OGDH: variants seen among roughly 807,000 people sequenced by gnomAD.
OGDH encodes the protein oxoglutarate dehydrogenase, also known as 2-oxoglutarate dehydrogenase complex component E1.
A neutral mutation model predicts 116.6 loss-of-function variants in OGDH; 38 were observed. That is an observed-to-expected ratio of 0.33 (90% CI 0.25 to 0.43). The LOEUF is 0.43. Among genes scored for constraint, OGDH ranks in the 20% least tolerant of loss-of-function variants. The probability of loss-of-function intolerance (pLI) is 1.00; values close to 1 mark genes in which losing one functional copy is unlikely to be tolerated. For synonymous variants in OGDH, 488 were observed against 533.3 expected (o/e 0.92, Z 1.17); for missense variants, 825 against 1,357.2 (o/e 0.61, Z 6.16).
chr7:44,675,495 G>A (rs1206096249), intron 8 of OGDH, among the ~76,000 whole-genome samples: 3 of 152,180 alleles, frequency 2.0e-5, no homozygotes, highest in Non-Finnish European at 4.4e-5. Context: ...TGTCCCCTCT[G>A]GCTGAGGGAC....
chr7:44,639,902 C>G (rs776968463), intron 2 of OGDH, among the ~76,000 whole-genome samples: 4 of 152,218 alleles, frequency 2.6e-5, no homozygotes, highest in Admixed American at 6.5e-5. Flanking sequence ...CCGGTATGAA[C>G]CAGTTTTTTT....
At chr7:44,659,902 G>T (rs193149639) in intron 4 of OGDH, among the ~76,000 whole-genome samples, 1 of 151,798 alleles carries the variant, frequency 6.6e-6, no homozygotes, top group Non-Finnish European at 1.5e-5. Context: ...GTTTTTTTCT[G>T]TTGTTTTGCT....
At chr7:44,611,072 ATTTT>A (rs56803296) in intron 1 of OGDH, among the ~76,000 whole-genome samples, 3 of 122,874 alleles carry the variant, frequency 2.4e-5, no homozygotes, top group Non-Finnish European at 3.4e-5. Flanking sequence ...ATTTTTCTAA[ATTTT>A]TTTTTTTTTT....
chr7:44,635,523 G>A (rs1458222760), intron 2 of OGDH, among the ~76,000 whole-genome samples: 1 of 152,090 alleles, frequency 6.6e-6, no homozygotes, highest in Non-Finnish European at 1.5e-5. Flanking sequence ...TTGTTCTGTG[G>A]CTGAGGTGGA....
chr7:44,654,813 C>G (rs1437037708), intron 4 of OGDH, among the ~76,000 whole-genome samples: 1 of 152,196 alleles, frequency 6.6e-6, no homozygotes, highest in Non-Finnish European at 1.5e-5. Context: ...ATTCCTGCTT[C>G]TGTGCTTCAC....
chr7:44,680,418 A>T (rs1476262595), intron 9 of OGDH, among the ~76,000 whole-genome samples: 2 of 152,248 alleles, frequency 1.3e-5, no homozygotes, highest in East Asian at 3.9e-4. Flanking sequence ...AACATATCAA[A>T]GGCAGTGAGG....
At chr7:44,646,589 G>A (rs1484302725) in intron 3 of OGDH, among the ~76,000 whole-genome samples, 2 of 152,352 alleles carry the variant, frequency 1.3e-5, no homozygotes, top group Admixed American at 1.3e-4. Context: ...CTGCCTGCAC[G>A]CAGTTGGCCT....
intron 4 of OGDH, among the ~76,000 whole-genome samples, chr7:44,650,658 T>C (rs1053226774): frequency 1.1e-4 from 17 of 152,140 alleles, no homozygotes; most frequent in African/African-American, 3.4e-4. Flanking sequence ...AAGACTGCCC[T>C]GTAGCCAAAT....
chr7:44,668,319 C>T (rs896500943), intron 5 of OGDH, among the ~76,000 whole-genome samples: 8 of 152,142 alleles, frequency 5.3e-5, no homozygotes, highest in Non-Finnish European at 1.5e-5. Context: ...CTCCTGTAAT[C>T]CCAGCTACAT....
At chr7:44,609,339 CAAAA>C (rs1185554089) in intron 1 of OGDH, among the ~76,000 whole-genome samples, 9 of 81,578 alleles carry the variant, frequency 1.1e-4, no homozygotes, top group South Asian at 4.2e-4. Context: ...CTCGTCTCTA[CAAAA>C]AAAAAAAAAA....
At chr7:44,633,381 A>G (rs1290797572) in intron 2 of OGDH, among the ~76,000 whole-genome samples, 1 of 152,134 alleles carries the variant, frequency 6.6e-6, no homozygotes, top group Admixed American at 6.5e-5. Flanking sequence ...AGGAAATGAA[A>G]GAGCCATGCT....
chr7:44,672,644 G>GTTTTTTTT (rs539935339), intron 5 of OGDH, among the ~76,000 whole-genome samples: 5 of 134,030 alleles, frequency 3.7e-5, no homozygotes, highest in Non-Finnish European at 6.5e-5. Context: ...TTTGTTTTTT[G>GTTTTTTTT]TTTTTTTTTT....
At position 44,707,999 on chromosome 7, in the gene OGDH, G is replaced by A; in HGVS notation, c.3072G>A (p.Ter1024=). Residue 1024 remains the stop codon, a stop_retained_variant, in exon 23 of 23, where the codon TAG becomes TAA. Transcript: ENST00000222673. This position sits in a 1 kb window ranked among gnomAD's most constrained non-coding sequence, Gnocchi z 5.2. ...TGGACGTCTTCAAGAACTTCTCGTA[G>A]ATGCTGCCTAGGGTTGCTTGGGCCA... ...FDLDVFKNFS[*] 1 of 1,612,660 alleles carries A rather than the reference G, an allele frequency of 6.2e-7. No individual in the cohort carries two copies. The highest frequency in any genetic ancestry group is 8.5e-7 in the Non-Finnish European group (1 of 1,179,790).
chr7:44,678,550 C>T (rs1396841892), intron 9 of OGDH, among the ~76,000 whole-genome samples: 1 of 152,212 alleles, frequency 6.6e-6, no homozygotes, highest in African/African-American at 2.4e-5. Context: ...CTGATTTGCT[C>T]ATAAGTCTGC....
At chr7:44,656,230 G>A (rs1786684944) in intron 4 of OGDH, 1 of 1,266,520 alleles carries the variant, frequency 7.9e-7, no homozygotes. Flanking sequence ...AATGGTGTAG[G>A]GTTTTGGTGT....
At chr7:44,666,614 GA>G (rs1787194998) in intron 4 of OGDH, 121 bp from the exon 5 acceptor site, 1 of 436,530 alleles carries the variant, frequency 2.3e-6, no homozygotes, top group Admixed American at 4.3e-5. Flanking sequence ...CTTTTTATAT[GA>G]TTTTTTTCTT....
intron 2 of OGDH, among the ~76,000 whole-genome samples, chr7:44,642,195 C>T (rs1785973625): frequency 6.6e-6 from 1 of 152,154 alleles, no homozygotes; most frequent in African/African-American, 2.4e-5. Flanking sequence ...ACGGGCAGAT[C>T]AGTTGAGCTC....
At chr7:44,625,149 CAG>C (rs368615648) in intron 2 of OGDH, among the ~76,000 whole-genome samples, 6 of 151,930 alleles carry the variant, frequency 3.9e-5, no homozygotes, top group Middle Eastern at 6.8e-3. Context: ...TTGTTTCAGA[CAG>C]AGTCCCACTG....
intron 4 of OGDH, among the ~76,000 whole-genome samples, chr7:44,652,830 T>C (rs1786512005): frequency 6.6e-6 from 1 of 151,706 alleles, no homozygotes; most frequent in Non-Finnish European, 1.5e-5. Context: ...CCAGTCAGAG[T>C]GGGAGGTAGT....
Sources: allele counts gnomAD v4.1 joint callset (sites outside exome capture counted in the v4.1 genomes callset), GRCh38; gene constraint gnomAD v4.1.1; non-coding constraint Gnocchi (gnomAD v3.1); transcripts MANE v1.5; gene names NCBI Gene and HGNC (gene_info 2026-07-23, HGNC 2026-07-21).